Variants in FCER1A observed in about 807,000 individuals in gnomAD.
FCER1A encodes high affinity immunoglobulin epsilon receptor subunit alpha.
Under a neutral mutation model 23.6 loss-of-function variants are expected in FCER1A, and 24 were observed. The ratio of observed to expected loss-of-function variants is 1.02; its 90% CI spans 0.74 to 1.43. FCER1A has a LOEUF of 1.43. FCER1A is among the 40% of genes most tolerant of loss of function. The pLI is 0.00. For missense variants in FCER1A, 318 were observed against 294.5 expected, an observed-to-expected ratio of 1.08 and a Z score of -0.58; for synonymous variants, 121 against 108.8, an observed-to-expected ratio of 1.11 and a Z score of -0.70.
upstream of FCER1A, among the ~76,000 whole-genome samples, chr1:159,301,153 A>G (rs1375724223): frequency 3.3e-5 from 5 of 152,220 alleles, no homozygotes; most frequent in Admixed American, 6.5e-5. Flanking sequence ...AAGGTATGAT[A>G]GAATGGTTCC....
At chr1:159,301,020 T>C (rs1652418503), upstream of FCER1A, among the ~76,000 whole-genome samples, 1 of 152,232 alleles carries the variant, frequency 6.6e-6, no homozygotes, top group African/African-American at 2.4e-5. Context: ...AAATTCCTAT[T>C]TATTAACCTT....
intron 2 of FCER1A, among the ~76,000 whole-genome samples, 157 bp downstream of exon 2, chr1:159,303,031 T>A (rs1652485083): frequency 6.6e-6 from 1 of 152,196 alleles, no homozygotes; most frequent in Non-Finnish European, 1.5e-5. Context: ...TGTCTTTCTT[T>A]TTTTCCCTGA....
intron 4 of FCER1A, 146 bp downstream of exon 4, chr1:159,306,391 T>C (rs1057272458): frequency 1.2e-5 from 8 of 684,652 alleles, no homozygotes; most frequent in African/African-American, 1.1e-4. Flanking sequence ...ACCTGGGTGA[T>C]AGTATATATC....
intron 1 of FCER1A, among the ~76,000 whole-genome samples, chr1:159,296,769 A>C (rs898069543): frequency 1.1e-4 from 16 of 152,216 alleles, no homozygotes; most frequent in African/African-American, 3.9e-4. Flanking sequence ...TGAAACAAGC[A>C]ACCCTCAATA....
Position 159,296,691 on chromosome 1 carries a change from C to T in FCER1A, c.-59-5615C>T, listed in dbSNP as rs567326443. On this transcript the variant is annotated intron_variant, in intron 1 of 5. Coordinates refer to the FCER1A transcript ENST00000368115. ...CAGGCCAATTATTTAGTATGCAAGGCTGCCTTCAGTATTGCAGGGCATTTG... is the reference window on the plus strand; with the variant it reads ...CAGGCCAATTATTTAGTATGCAAGGTTGCCTTCAGTATTGCAGGGCATTTG... Among the ~76,000 whole-genome samples, 212 of 152,300 alleles carry T rather than the reference C, an allele frequency of 1.4e-3. 1 individual carries two copies. Among genetic ancestry groups the T allele is most frequent in the Middle Eastern group, 6.8e-3 (2 of 294 alleles).
At chr1:159,284,311 C>T in the FCER1A span, among the ~76,000 whole-genome samples, 1 of 152,190 alleles carries the variant, frequency 6.6e-6, no homozygotes, top group African/African-American at 2.4e-5. Context: ...ACTGTCAGAG[C>T]CCTTCCTTGT....
chr1:159,293,561 A>T (rs1421141362), intron 1 of FCER1A, among the ~76,000 whole-genome samples: 2 of 100,532 alleles, frequency 2.0e-5, no homozygotes, highest in African/African-American at 4.0e-5. Flanking sequence ...ACCCCACAAC[A>T]GTCCCCAGAG....
At chr1:159,292,952 T>A (rs55874210) in intron 1 of FCER1A, among the ~76,000 whole-genome samples, 2 of 151,740 alleles carry the variant, frequency 1.3e-5, no homozygotes, top group African/African-American at 2.4e-5. Context: ...CGGTGCCACC[T>A]CGGGAATCTG....
At chr1:159,286,466 GGGACT>G (rs1269146461), upstream of FCER1A, among the ~76,000 whole-genome samples, 1 of 151,766 alleles carries the variant, frequency 6.6e-6, no homozygotes, top group Non-Finnish European at 1.5e-5. Context: ...CCGAGTAGCT[GGGACT>G]ACAGGCGCCC....
chr1:159,293,349 G>T (rs919103128), intron 1 of FCER1A, among the ~76,000 whole-genome samples: 1 of 151,280 alleles, frequency 6.6e-6, no homozygotes, highest in Admixed American at 6.6e-5. Flanking sequence ...CCTTCTACTC[G>T]CTATGCTTCA....
chr1:159,294,798 A>G (rs1392331104), intron 1 of FCER1A, among the ~76,000 whole-genome samples: 2 of 152,196 alleles, frequency 1.3e-5, no homozygotes, highest in East Asian at 1.9e-4. Flanking sequence ...TCCATATTTA[A>G]GCCATTTCTT....
intron 2 of FCER1A, among the ~76,000 whole-genome samples, chr1:159,303,230 G>A (rs755888659): frequency 3.9e-5 from 6 of 152,014 alleles, no homozygotes; most frequent in Non-Finnish European, 8.8e-5. Flanking sequence ...TGGTTACATG[G>A]CTAAGGAACT....
At chr1:159,301,037 C>A (rs1382919201), upstream of FCER1A, among the ~76,000 whole-genome samples, 1 of 152,052 alleles carries the variant, frequency 6.6e-6, no homozygotes, top group Non-Finnish European at 1.5e-5. Flanking sequence ...CCTTTTTAGC[C>A]CTATATTTTC....
At chr1:159,300,753 CAT>C (rs752010872), upstream of FCER1A, among the ~76,000 whole-genome samples, 7 of 152,262 alleles carry the variant, frequency 4.6e-5, no homozygotes, top group Non-Finnish European at 1.0e-4. Flanking sequence ...CCATATTTCA[CAT>C]GTCAGATGCT....
chr1:159,306,332 G>C (rs1199830889), intron 4 of FCER1A, 87 bp downstream of exon 4: 3 of 1,329,210 alleles, frequency 2.3e-6, no homozygotes, highest in Non-Finnish European at 3.1e-6. Context: ...CTTGTAGAAG[G>C]GGGGCACCTG....
In FCER1A at chr1:159,303,934, A is replaced by G. The variant is rs549111277; in HGVS notation, c.83A>G (p.Gln28Arg). 24 of 1,610,080 alleles carry G rather than the reference A, an allele frequency of 1.5e-5. No homozygotes were observed. The South Asian group carries it at 2.3e-4, about 16-fold the overall frequency. Residue 28 changes from glutamine (Q) to arginine (R), a missense_variant, in exon 3 of 5, where the codon CAG (glutamine) becomes CGG (arginine). Coordinates refer to ENST00000693622, the MANE Select transcript of FCER1A (RefSeq NM_001387280.1). ...FAPDGVLAVP[Q>R]KPKVSLNPPW... The stretch of plus-strand genomic sequence containing the variant: ...TATTTTTATCTTCTTGAAGTCCCTC[A>G]GAAACCTAAGGTCTCCTTGAACCCT...
At chr1:159,291,446 A>C (rs924216311) in intron 1 of FCER1A, among the ~76,000 whole-genome samples, 1 of 152,160 alleles carries the variant, frequency 6.6e-6, no homozygotes, top group African/African-American at 2.4e-5. Context: ...CCTCTCAAAG[A>C]CTTGTTAGTT....
chr1:159,292,505 AC>A (rs1652179313), intron 1 of FCER1A, among the ~76,000 whole-genome samples: 1 of 152,012 alleles, frequency 6.6e-6, no homozygotes, highest in African/African-American at 2.4e-5. Flanking sequence ...AAACCCATCA[AC>A]TTTTCTTTAT....
At chr1:159,287,800 CAGAT>C (rs1396851442), upstream of FCER1A, among the ~76,000 whole-genome samples, 2 of 148,602 alleles carry the variant, frequency 1.3e-5, no homozygotes, top group East Asian at 2.0e-4. Context: ...TATATGTGTG[CAGAT>C]AGATAAAGAC....
Sources: gnomAD v4.1 joint callset for allele counts (sites outside exome capture counted in the v4.1 genomes callset) on GRCh38, gnomAD v4.1.1 for gene constraint, MANE v1.5 for transcripts, NCBI Gene and HGNC (gene_info 2026-07-23, HGNC 2026-07-21) for gene names.